RPH3A: variants seen among roughly 807,000 people sequenced by gnomAD.
RPH3A encodes the protein rabphilin-3A.
In RPH3A, 48 loss-of-function variants were observed where a neutral mutation model predicts 102.2. The ratio of observed to expected loss-of-function variants is 0.47; its 90% CI spans 0.37 to 0.60. RPH3A has a LOEUF of 0.60. RPH3A is among the 20% of genes least tolerant of loss of function. RPH3A has a pLI of 0.00. For synonymous variants in RPH3A, 310 were observed against 324.3 expected (o/e 0.96, Z 0.47); for missense variants, 781 against 910.1 (o/e 0.86, Z 1.83).
intron 1 of RPH3A, among the ~76,000 whole-genome samples, chr12:112,781,225 A>G (rs576328507): frequency 4.5e-4 from 69 of 152,220 alleles, no homozygotes; most frequent in African/African-American, 1.6e-3. Context: ...AAACAAAAAA[A>G]AATATCCTCT....
In RPH3A at chr12:112,828,374, G is replaced by A. The variant is rs145608790; in HGVS notation, c.56G>A (p.Arg19Gln). ...AACCGTTGGATGTACCCCAGTGACC[G>A]GCCCCTTCAATCAAAGTAAGTTGCT... ...SSNRWMYPSD[R>Q]PLQSNDKEQL... is the part of the protein sequence containing the mutation. Residue 19 changes from arginine to glutamine, a missense_variant, in exon 3 of 22, where the codon CGG (arginine) becomes CAG (glutamine). Coordinates refer to ENST00000389385, the MANE Select transcript of RPH3A (RefSeq NM_001143854.2). 282 of 1,603,844 alleles carry A rather than the reference G, an allele frequency of 1.8e-4. 1 individual carries two copies. The African/African-American group carries it at 1.9e-3, about 11-fold the overall frequency.
rs775500905 is a variant in RPH3A, at chr12:112,847,698, T to G, written c.86T>G (p.Leu29Arg). ...RPLQSNDKEQ[L>R]QAGWSVHPGG... ...CACCTTCCCAAATTTCCTTTCAGGCTCCAGGCAGGCTGGTCCGTCCACCCC... is the reference window on the plus strand; with the variant it reads ...CACCTTCCCAAATTTCCTTTCAGGCGCCAGGCAGGCTGGTCCGTCCACCCC... Residue 29 changes from leucine (L) to arginine (R), a missense_variant and splice_region_variant, in exon 5 of 22, where the codon CTC becomes CGC. By Grantham distance (102) the Leu-to-Arg change is moderately radical. Coordinates refer to ENST00000389385, the MANE Select transcript of RPH3A (RefSeq NM_001143854.2). 3 of 1,613,586 alleles carry G rather than the reference T, an allele frequency of 1.9e-6. No individual in the cohort carries two copies. The African/African-American group carries it at 4.0e-5, about 22-fold the overall frequency.
At chr12:112,737,741 G>T (rs934584897) in intron 1 of RPH3A, among the ~76,000 whole-genome samples, 1 of 152,152 alleles carries the variant, frequency 6.6e-6, no homozygotes, top group African/African-American at 2.4e-5. Context: ...CAGGGTTAAG[G>T]ACGTGAAGAA....
chr12:112,603,006 G>A (rs953575641), intron 1 of RPH3A, among the ~76,000 whole-genome samples: 2 of 152,174 alleles, frequency 1.3e-5, no homozygotes, highest in African/African-American at 4.8e-5. Flanking sequence ...TGTGATGAGG[G>A]TGTGATGGGA....
intron 1 of RPH3A, among the ~76,000 whole-genome samples, chr12:112,744,333 C>G (rs1183440195): frequency 1.3e-5 from 2 of 152,118 alleles, no homozygotes; most frequent in African/African-American, 4.8e-5. Context: ...GCCTTGGCCT[C>G]CCAAAGTGCC....
At chr12:112,890,458 A>T (rs761157175) in intron 18 of RPH3A, among the ~76,000 whole-genome samples, 9 of 152,002 alleles carry the variant, frequency 5.9e-5, no homozygotes, top group Non-Finnish European at 1.2e-4. Context: ...CCCTCATATG[A>T]CCCCAAGGAC....
At chr12:112,862,080 G>GAAGCT (rs1174753873) in intron 5 of RPH3A, among the ~76,000 whole-genome samples, 7 of 151,582 alleles carry the variant, frequency 4.6e-5, no homozygotes, top group African/African-American at 1.7e-4. Context: ...AATGCTTTGG[G>GAAGCT]AAGCTAAGGC....
At chr12:112,603,605 T>G (rs988403844) in intron 1 of RPH3A, among the ~76,000 whole-genome samples, 1 of 152,242 alleles carries the variant, frequency 6.6e-6, no homozygotes, top group African/African-American at 2.4e-5. Flanking sequence ...TACTATATTT[T>G]GTAAGAATCA....
intron 2 of RPH3A, among the ~76,000 whole-genome samples, chr12:112,827,379 T>C (rs1258293716): frequency 6.6e-6 from 1 of 152,252 alleles, no homozygotes; most frequent in Non-Finnish European, 1.5e-5. Context: ...ATAGCGTATG[T>C]CAATACTTCA....
chr12:112,842,068 T>G, intron 4 of RPH3A: 1 of 455,848 alleles, frequency 2.2e-6, no homozygotes. Context: ...AGGCTGTGCG[T>G]TTTGTTTCAT....
rs1003574380 is a variant in RPH3A at position 112,869,697 on chromosome 12, G to A, written c.611-62G>A. 3.2e-6 allele frequency: 5 copies of A among 1,539,046 alleles called. No homozygotes were observed. The African/African-American group carries it at 5.5e-5, about 17-fold the overall frequency. On this transcript the variant is annotated intron_variant, in intron 8 of 21. Transcript: ENST00000389385. ...ATGAACCCCTTTGTAGGCTTCTTAA[G>A]TACCGGTTTTCCAGACACCAGAAAA...
chr12:112,788,755 C>A (rs1006712993), upstream of RPH3A, among the ~76,000 whole-genome samples: 8 of 152,180 alleles, frequency 5.3e-5, no homozygotes, highest in African/African-American at 1.9e-4. Flanking sequence ...GTGAGAAATT[C>A]TTTGGGATTG....
Position 112,866,793 on chromosome 12 carries a change from C to A in RPH3A, c.397C>A (p.Arg133Ser), listed in dbSNP as rs775209653. The change falls in exon 7 of 22, where the codon CGC becomes AGC. Residue 133 changes from arginine (R) to serine (S), a missense_variant. Physicochemically the swap from Arg to Ser is moderately radical, Grantham distance 110. Transcript: ENST00000389385. The stretch of plus-strand genomic sequence containing the variant: ...CAAGTGCGGAGTGGAGACCAACAAC[C>A]GCCTGCATTCTGTGTGGCTCTGCAA... ...CTKCGVETNN[R>S]LHSVWLCKIC... 3 of 1,611,702 alleles carry A rather than the reference C, an allele frequency of 1.9e-6. No individual in the cohort carries two copies. The highest frequency in any genetic ancestry group is 4.5e-5 in the East Asian group (2 of 44,840).
At chr12:112,790,062 C>T (rs1296125881), upstream of RPH3A, among the ~76,000 whole-genome samples, 1 of 145,640 alleles carries the variant, frequency 6.9e-6, no homozygotes, top group Non-Finnish European at 1.5e-5. Context: ...CTGTCTTTTT[C>T]TTTTTTTTTT....
intron 2 of RPH3A, among the ~76,000 whole-genome samples, chr12:112,804,819 A>T (rs549776466): frequency 6.6e-6 from 1 of 152,312 alleles, no homozygotes; most frequent in South Asian, 2.1e-4. Context: ...GGATGCTATC[A>T]TTGTCATCAT....
At chr12:112,631,253 G>A (rs1303773379) in intron 1 of RPH3A, among the ~76,000 whole-genome samples, 1 of 152,110 alleles carries the variant, frequency 6.6e-6, no homozygotes, top group Non-Finnish European at 1.5e-5. Flanking sequence ...TATTGAGCAA[G>A]GTAGACTTTG....
chr12:112,825,249 A>G (rs1246651644), intron 2 of RPH3A, among the ~76,000 whole-genome samples: 2 of 152,222 alleles, frequency 1.3e-5, no homozygotes, highest in African/African-American at 4.8e-5. Context: ...TAATCTGGGA[A>G]GATGATGTTA....
At chr12:112,668,806 C>T (rs1355372904) in intron 1 of RPH3A, among the ~76,000 whole-genome samples, 1 of 151,892 alleles carries the variant, frequency 6.6e-6, no homozygotes, top group Non-Finnish European at 1.5e-5. Flanking sequence ...CATATGTATT[C>T]CAGACTTAAA....
intron 2 of RPH3A, among the ~76,000 whole-genome samples, chr12:112,802,503 C>T (rs2041372843): frequency 6.6e-6 from 1 of 151,836 alleles, no homozygotes; most frequent in Admixed American, 6.6e-5. Flanking sequence ...TGTTTTTATC[C>T]CATCCAAGTT....
Sources: allele counts gnomAD v4.1 joint callset (sites outside exome capture counted in the v4.1 genomes callset), GRCh38; gene constraint gnomAD v4.1.1; transcripts MANE v1.5; gene names NCBI Gene and HGNC (gene_info 2026-07-23, HGNC 2026-07-21).